Variants in CD72 observed in about 807,000 individuals in gnomAD.
CD72 encodes CD72 molecule, also known as B-cell differentiation antigen CD72.
A neutral mutation model predicts 50.7 loss-of-function variants in CD72; 28 were observed. The ratio of observed to expected loss-of-function variants is 0.55; its 90% CI spans 0.41 to 0.76. The LOEUF (loss-of-function observed/expected upper bound fraction) is 0.76, where lower values mean the gene tolerates loss of function less well. CD72 is among the 30% of genes least tolerant of loss of function. The pLI is 0.00. For synonymous variants in CD72, 176 were observed against 171.2 expected, an observed-to-expected ratio of 1.03 and a Z score of -0.22; for missense variants, 403 against 420.6, an observed-to-expected ratio of 0.96 and a Z score of 0.37.
At position 35,610,678 on chromosome 9, in the gene CD72, A is replaced by G; in HGVS notation, c.1026T>C (p.Cys342=). The G allele has an allele frequency of 6.2e-7, 1 of 1,613,462 alleles. No individual in the cohort carries two copies. Among genetic ancestry groups the G allele is most frequent in the Non-Finnish European group, 8.5e-7 (1 of 1,179,412 alleles). Reference sequence around the variant, plus strand: ...CACAGATGTAGGGAAGAGAACTTCTACATGACTCTGACTCCAGTGTCCACC... The same window carrying G: ...CACAGATGTAGGGAAGAGAACTTCTGCATGACTCTGACTCCAGTGTCCACC... The part of the protein sequence containing the change: ...WSWWTLESES[C]RSSLPYICEM... The change falls in exon 8 of 9, where the codon TGT becomes TGC. Residue 342 remains cysteine, a synonymous_variant. Coordinates refer to ENST00000259633, the MANE Select transcript of CD72 (RefSeq NM_001782.3).
At chr9:35,612,344 G>A (rs944022702) in intron 6 of CD72, among the ~76,000 whole-genome samples, 1 of 152,156 alleles carries the variant, frequency 6.6e-6, no homozygotes, top group Non-Finnish European at 1.5e-5. Context: ...CAGCACTTTG[G>A]GAGACTGAAG....
At chr9:35,623,315 T>A (rs1823161966), upstream of CD72, among the ~76,000 whole-genome samples, 1 of 151,992 alleles carries the variant, frequency 6.6e-6, no homozygotes, top group Admixed American at 6.5e-5. Flanking sequence ...CTGCTTATTT[T>A]ACAAATTGGG....
intron 1 of CD72, among the ~76,000 whole-genome samples, chr9:35,633,936 C>G (rs1823268416): frequency 6.6e-6 from 1 of 152,166 alleles, no homozygotes; most frequent in Non-Finnish European, 1.5e-5. Flanking sequence ...TGCCTGGTAT[C>G]TCTTTCCATG....
chr9:35,619,534 TTGG>T (rs1158236358), upstream of CD72: 1 of 152,142 alleles, frequency 6.6e-6, no homozygotes, highest in Admixed American at 6.5e-5. Flanking sequence ...GCTCGGATGA[TTGG>T]TGGTGTGTGG....
chr9:35,615,821 C>A (rs993670176), intron 5 of CD72, 122 bp downstream of exon 5: 2 of 737,342 alleles, frequency 2.7e-6, no homozygotes, highest in Non-Finnish European at 4.4e-6. Flanking sequence ...ATGTCAGCCA[C>A]CACTCTGGTT....
chr9:35,630,858 G>A (rs1188581597), intron 1 of CD72, among the ~76,000 whole-genome samples: 1 of 152,132 alleles, frequency 6.6e-6, no homozygotes, highest in Non-Finnish European at 1.5e-5. Context: ...AAGCCCAGGA[G>A]TTCGAGATAA....
At chr9:35,644,015 G>A (rs1248588205) in intron 1 of CD72, among the ~76,000 whole-genome samples, 1 of 150,096 alleles carries the variant, frequency 6.7e-6, no homozygotes, top group East Asian at 1.9e-4. Context: ...ACTGTAGAAG[G>A]CACTTTAGAA....
At chr9:35,613,086 C>A in intron 5 of CD72, 93 bp from the exon 6 acceptor site, 1 of 1,053,308 alleles carries the variant, frequency 9.5e-7, no homozygotes, top group East Asian at 2.4e-5. Flanking sequence ...CAGAGCTAAT[C>A]TCAGCACCTT....
intron 4 of CD72, 120 bp downstream of exon 4, chr9:35,616,480 C>T (rs1823065771): frequency 4.1e-6 from 4 of 964,594 alleles, no homozygotes; most frequent in African/African-American, 1.6e-5. Flanking sequence ...GGAAACCAAA[C>T]CCAAAGCTAA....
chr9:35,637,385 C>T (rs369497096), intron 1 of CD72, among the ~76,000 whole-genome samples: 5 of 152,214 alleles, frequency 3.3e-5, no homozygotes, highest in African/African-American at 4.8e-5. Flanking sequence ...CTTCGGGAGG[C>T]GGGTCCCCTG....
At chr9:35,624,551 G>GTGAC (rs1423595771) in intron 1 of CD72, among the ~76,000 whole-genome samples, 25 of 152,122 alleles carry the variant, frequency 1.6e-4, no homozygotes, top group Non-Finnish European at 3.5e-4. Flanking sequence ...CCTGGCAGAG[G>GTGAC]TGACTGAACC....
At position 35,617,999 on chromosome 9, in the gene CD72, C is replaced by A; in HGVS notation, c.190+15G>T. ...CAGCCCCCCAACAAACACACATCCC[C>A]CAGGCTCTCCAGACCTGCTTTGTCC... is the stretch of plus-strand genomic sequence containing the variant. On this transcript the variant is annotated intron_variant, in intron 2 of 8. Coordinates refer to ENST00000259633, the MANE Select transcript of CD72 (RefSeq NM_001782.3). 6.7e-7 allele frequency: 1 copy of A among 1,500,922 alleles called. No homozygotes were observed. The highest frequency in any genetic ancestry group is 1.1e-5 in the South Asian group (1 of 88,828). The allele number at this position is 1,500,922 out of a possible 1,614,324, so 93.0% of individuals were successfully genotyped here.
intron 5 of CD72, among the ~76,000 whole-genome samples, chr9:35,614,093 C>A (rs1307898851): frequency 6.6e-6 from 1 of 151,368 alleles, no homozygotes; most frequent in Non-Finnish European, 1.5e-5. Flanking sequence ...GAAAGGTAGG[C>A]AGGAGTGATG....
At chr9:35,613,392 A>G (rs909154398) in intron 5 of CD72, among the ~76,000 whole-genome samples, 3 of 152,080 alleles carry the variant, frequency 2.0e-5, no homozygotes, top group Non-Finnish European at 4.4e-5. Flanking sequence ...TCCTACAAGC[A>G]GAAAATGTTG....
At chr9:35,637,005 C>A (rs1030839981) in intron 1 of CD72, among the ~76,000 whole-genome samples, 1 of 152,150 alleles carries the variant, frequency 6.6e-6, no homozygotes, top group African/African-American at 2.4e-5. Flanking sequence ...GACTTTGTGA[C>A]AATACACCCT....
chr9:35,618,261 C>G lies in CD72; in HGVS notation c.43G>C (p.Ala15Pro). The G allele has an allele frequency of 1.2e-6, 2 of 1,614,192 alleles. No individual in the cohort carries two copies. Among genetic ancestry groups the G allele is most frequent in the Non-Finnish European group, 1.7e-6 (2 of 1,180,010 alleles). The change falls in exon 1 of 9, where the codon GCT (alanine) becomes CCT (proline). Residue 15 changes from alanine (A) to proline (P), a missense_variant. By Grantham distance (27) the Ala-to-Pro change is conservative (BLOSUM62 -1). Transcript: ENST00000259633. ...CTGGAGATGCTCTTCTTCAGGGGAG[C>G]CTTCACAAACCTCAGATCTGCATAG... is the stretch of plus-strand genomic sequence containing the variant. ...ITYADLRFVK[A>P]PLKKSISSRL...
At position 35,612,895 on chromosome 9, in the gene CD72, T is replaced by C; in HGVS notation, c.787A>G (p.Thr263Ala). The C allele has an allele frequency of 6.2e-7, 1 of 1,614,030 alleles. No individual in the cohort carries two copies. The highest frequency in any genetic ancestry group is 1.1e-5 in the South Asian group (1 of 91,062). Reference protein sequence around the residue: ...NWQESQKQCETLSSKLATFSE... With the variant: ...NWQESQKQCEALSSKLATFSE... ...AATGTGGCCAGCTTGGAAGACAGAG[T>C]TTCACATTGTTTTTGGCTCTCCTGC... Residue 263 changes from threonine (T) to alanine (A), a missense_variant, in exon 6 of 9, where the codon ACT (threonine) becomes GCT (alanine). Transcript: ENST00000259633.
At chr9:35,616,337 A>C in intron 4 of CD72, 59 bp from the exon 5 acceptor site, 1 of 1,349,182 alleles carries the variant, frequency 7.4e-7, no homozygotes, top group Admixed American at 2.1e-5. Flanking sequence ...GTGCCCTGAG[A>C]CTGCAGCATC....
chr9:35,624,483 A>G (rs1292929855), upstream of CD72, among the ~76,000 whole-genome samples: 1 of 152,094 alleles, frequency 6.6e-6, no homozygotes, highest in Admixed American at 6.6e-5. Context: ...AGAATTCTCC[A>G]TACCTAGCGA....
Sources: allele counts gnomAD v4.1 joint callset (sites outside exome capture counted in the v4.1 genomes callset), GRCh38; gene constraint gnomAD v4.1.1; transcripts MANE v1.5; gene names NCBI Gene and HGNC (gene_info 2026-07-23, HGNC 2026-07-21).